DCUN1D3: variants seen among roughly 807,000 people sequenced by gnomAD.
The protein encoded by DCUN1D3 is defective in cullin neddylation 1 domain containing 3, also known as DCN1-like protein 3.
Under a neutral mutation model 24.8 loss-of-function variants are expected in DCUN1D3, and 6 were observed. The observed-to-expected ratio is 0.24, with a 90% CI of 0.13 to 0.48. The LOEUF (loss-of-function observed/expected upper bound fraction) is 0.48, where lower values mean the gene tolerates loss of function less well. Ranked by LOEUF, DCUN1D3 falls within the 20% of genes least tolerant of loss-of-function variation. The pLI is 0.99. For missense variants in DCUN1D3, 258 were observed against 379.4 expected, an observed-to-expected ratio of 0.68 and a Z score of 2.66; for synonymous variants, 120 against 144.9, an observed-to-expected ratio of 0.83 and a Z score of 1.24.
At chr16:20,880,898 GC>G (rs2152517911) in intron 1 of DCUN1D3, among the ~76,000 whole-genome samples, 1 of 152,214 alleles carries the variant, frequency 6.6e-6, no homozygotes, top group South Asian at 2.1e-4. Context: ...GAGATAGTAA[GC>G]AGCAGAGCCA....
intron 1 of DCUN1D3, among the ~76,000 whole-genome samples, chr16:20,868,567 TG>T (rs539614092): frequency 1.3e-5 from 2 of 152,236 alleles, no homozygotes; most frequent in Non-Finnish European, 2.9e-5. Context: ...GCTCAATACC[TG>T]ACTCACAGAA....
Position 20,855,275 on chromosome 16 carries a change from T to C in DCUN1D3, c.*4611A>G, listed in dbSNP as rs911399825. On this transcript the variant is annotated 3_prime_UTR_variant, in exon 3 of 3. Coordinates refer to ENST00000324344, the MANE Select transcript of DCUN1D3 (RefSeq NM_173475.4). Reference sequence around the variant, plus strand: ...TGCCTATTGCTTCACATTCCCCCTTTAAAACCTAGTCATATTCATTAGTGC... The same window carrying C: ...TGCCTATTGCTTCACATTCCCCCTTCAAAACCTAGTCATATTCATTAGTGC... The C allele has an allele frequency of 6.6e-6, 1 of 152,198 alleles. No homozygotes were observed. Among genetic ancestry groups the C allele is most frequent in the Non-Finnish European group, 1.5e-5 (1 of 68,064 alleles). The allele number at this position is 152,198 out of a possible 1,614,324, so 9.4% of individuals were successfully genotyped here. A position where few individuals can be genotyped will look rare whatever the true frequency, so the allele number is the denominator to read the frequency against.
intron 1 of DCUN1D3, among the ~76,000 whole-genome samples, chr16:20,893,329 C>T (rs558311187): frequency 8.5e-5 from 13 of 152,110 alleles, no homozygotes; most frequent in African/African-American, 2.2e-4. Context: ...CACACCACCA[C>T]GCCCAGCTCC....
intron 1 of DCUN1D3, 70 bp from the exon 2 acceptor site, chr16:20,862,713 G>A (rs2081739989): frequency 7.4e-7 from 1 of 1,353,886 alleles, no homozygotes; most frequent in Non-Finnish European, 9.8e-7. Context: ...CTTCTAGGGT[G>A]CACACTGGTT....
intron 1 of DCUN1D3, among the ~76,000 whole-genome samples, chr16:20,877,007 A>C (rs1009661938): frequency 6.6e-6 from 1 of 152,166 alleles, no homozygotes; most frequent in Non-Finnish European, 1.5e-5. Flanking sequence ...AAACAGAAGT[A>C]AGACCTAGCG....
intron 1 of DCUN1D3, among the ~76,000 whole-genome samples, chr16:20,891,427 A>G (rs2081891916): frequency 6.6e-6 from 1 of 152,240 alleles, no homozygotes; most frequent in Non-Finnish European, 1.5e-5. Flanking sequence ...AGTGTTCTCT[A>G]ATGCTCTAAC....
chr16:20,899,084 G>C (rs1490909558), intron 1 of DCUN1D3, among the ~76,000 whole-genome samples: 2 of 152,234 alleles, frequency 1.3e-5, no homozygotes, highest in African/African-American at 2.4e-5. Flanking sequence ...CAAGCTGAAC[G>C]TGTCACTGAT....
Position 20,862,111 on chromosome 16 carries a change from G to A in DCUN1D3, c.428C>T (p.Thr143Ile). 6.2e-7 allele frequency: 1 copy of A among 1,613,924 alleles called. No individual in the cohort carries two copies. Among genetic ancestry groups the A allele is most frequent in the Non-Finnish European group, 8.5e-7 (1 of 1,179,866 alleles). The change falls in exon 2 of 3, where the codon ACC becomes ATC. Residue 143 changes from threonine (T) to isoleucine (I), a missense_variant. By Grantham distance (89) the Thr-to-Ile change is moderately conservative. Transcript: ENST00000324344. ...KFQAATMCKFTRKEFFDGCKA... is the reference protein window; with the variant it reads ...KFQAATMCKFIRKEFFDGCKA... Reference sequence around the variant, plus strand: ...ACATAAAGTGTTTGTGACTAACCTGGTGAATTTGCACATGGTTGCAGCCTG... The same window carrying A: ...ACATAAAGTGTTTGTGACTAACCTGATGAATTTGCACATGGTTGCAGCCTG...
chr16:20,870,602 A>G (rs1458845872), intron 1 of DCUN1D3, among the ~76,000 whole-genome samples: 1 of 152,166 alleles, frequency 6.6e-6, no homozygotes, highest in Non-Finnish European at 1.5e-5. Flanking sequence ...GCTGGCACCA[A>G]AAGTCAGTGT....
chr16:20,876,305 T>A (rs1306504799), intron 1 of DCUN1D3, among the ~76,000 whole-genome samples: 2 of 152,054 alleles, frequency 1.3e-5, no homozygotes, highest in African/African-American at 4.8e-5. Flanking sequence ...TCTGAATAGA[T>A]GTTTCTCAAA....
At chr16:20,888,828 T>G (rs1181942582) in intron 1 of DCUN1D3, among the ~76,000 whole-genome samples, 1 of 152,232 alleles carries the variant, frequency 6.6e-6, no homozygotes, top group African/African-American at 2.4e-5. Flanking sequence ...GGCTCACACC[T>G]GTAATCCCTG....
chr16:20,859,804 A>G lies in DCUN1D3; in HGVS notation c.*82T>C, dbSNP rs2081722327. On this transcript the variant is annotated 3_prime_UTR_variant, in exon 3 of 3. Coordinates refer to ENST00000324344, the MANE Select transcript of DCUN1D3 (RefSeq NM_173475.4). Reference sequence around the variant, plus strand: ...TAAAGTAGAAAATATCCGGATCTTCAGTAATTTCCAAAATGGTCCAATTCC... The same window carrying G: ...TAAAGTAGAAAATATCCGGATCTTCGGTAATTTCCAAAATGGTCCAATTCC... 6.7e-7 allele frequency: 1 copy of G among 1,496,588 alleles called. No individual in the cohort carries two copies. Among genetic ancestry groups the G allele is most frequent in the African/African-American group, 1.4e-5 (1 of 71,460 alleles). The allele number at this position is 1,496,588 out of a possible 1,614,324, so 92.7% of individuals were successfully genotyped here.
rs2081728062 is a variant in DCUN1D3, at chr16:20,860,733, CAG to C, written c.432-366_432-365del. Among the ~76,000 whole-genome samples the C allele has an allele frequency of 6.6e-6, 1 of 152,178 alleles. No individual in the cohort carries two copies. Among genetic ancestry groups the C allele is most frequent in the Non-Finnish European group, 1.5e-5 (1 of 68,042 alleles). On this transcript the variant is annotated intron_variant, in intron 2 of 2. Transcript: ENST00000324344. The surrounding 1 kb of genome is among the most constrained non-coding windows in gnomAD (Gnocchi z 4.3). ...TTAAGCTGCGGATTCTTTCTCCTTC[CAG>C]AGGAGGAGGCTTCCTGTTTCCCTTC...
chr16:20,873,838 T>C (rs1179955634), intron 1 of DCUN1D3, among the ~76,000 whole-genome samples: 1 of 152,018 alleles, frequency 6.6e-6, no homozygotes, highest in Non-Finnish European at 1.5e-5. Context: ...TAAGAATGCC[T>C]AGGGGGTCAC....
Position 20,862,594 on chromosome 16 carries a change from C to A in DCUN1D3, c.-56G>T, listed in dbSNP as rs1439861621. Reference sequence around the variant, plus strand: ...CCCTCTGGATTGGATGCCCTCGCTGCCGCTGGCCCATGTACCTCAACATGC... The same window carrying A: ...CCCTCTGGATTGGATGCCCTCGCTGACGCTGGCCCATGTACCTCAACATGC... On this transcript the variant is annotated 5_prime_UTR_variant, in exon 2 of 3. Coordinates refer to ENST00000324344, the MANE Select transcript of DCUN1D3 (RefSeq NM_173475.4). The A allele has an allele frequency of 1.3e-6, 2 of 1,541,680 alleles. No homozygotes were observed.
rs139598901 is a variant in DCUN1D3 at position 20,869,444 on chromosome 16, T to A, written c.-105-6801A>T. ...TCATATTCATCATCACCTTCAAGCC[T>A]CCCAACAACCTCAAGAAAATAGTTG... On this transcript the variant is annotated intron_variant, in intron 1 of 2. Coordinates refer to ENST00000324344, the MANE Select transcript of DCUN1D3 (RefSeq NM_173475.4). Among the ~76,000 whole-genome samples the A allele has an allele frequency of 7.1e-3, 1,075 of 152,256 alleles. 9 individuals carry two copies. Among genetic ancestry groups the A allele is most frequent in the Non-Finnish European group, 0.012 (826 of 68,010 alleles).
At position 20,879,344 on chromosome 16, in the gene DCUN1D3, C is replaced by A. The variant is rs558306922; in HGVS notation, c.-105-16701G>T. 2.6e-5 allele frequency among the ~76,000 whole-genome samples: 4 copies of A among 152,238 alleles called. No homozygotes were observed. In the South Asian group the frequency reaches 8.3e-4, roughly 32 times the overall value. ...CAAATGATGGAAAACCAAACTGATA[C>A]CCCTCTTGTGTTTGTTTCAGCAGTG... On this transcript the variant is annotated intron_variant, in intron 1 of 2. Coordinates refer to ENST00000324344, the MANE Select transcript of DCUN1D3 (RefSeq NM_173475.4).
chr16:20,884,226 C>T (rs1364251735), intron 1 of DCUN1D3, among the ~76,000 whole-genome samples: 2 of 152,176 alleles, frequency 1.3e-5, no homozygotes, highest in African/African-American at 4.8e-5. Context: ...TAGGAAAGAA[C>T]AGTCTTCTTT....
chr16:20,882,845 A>C (rs889040556), intron 1 of DCUN1D3, among the ~76,000 whole-genome samples: 2 of 152,224 alleles, frequency 1.3e-5, no homozygotes, highest in African/African-American at 4.8e-5. Flanking sequence ...TTAGCTTACA[A>C]AACTGGTTTT....
Sources: allele counts gnomAD v4.1 joint callset (sites outside exome capture counted in the v4.1 genomes callset), GRCh38; gene constraint gnomAD v4.1.1; non-coding constraint Gnocchi (gnomAD v3.1); transcripts MANE v1.5; gene names NCBI Gene and HGNC (gene_info 2026-07-23, HGNC 2026-07-21).